The following MAMDC2 variants were observed in gnomAD, a reference collection of about 807,000 sequenced individuals.
MAMDC2 encodes MAM domain containing 2.
MAMDC2 carries 57 observed loss-of-function variants against 89.8 expected under a neutral mutation model. That is an observed-to-expected ratio of 0.63 (90% confidence interval 0.51 to 0.79). MAMDC2 has a LOEUF of 0.79. MAMDC2 is among the 30% of genes least tolerant of loss of function. The probability of loss-of-function intolerance (pLI) is 0.00; values close to 1 mark genes in which losing one functional copy is unlikely to be tolerated. For synonymous variants in MAMDC2, 313 were observed against 293.4 expected (o/e 1.07, Z -0.68); for missense variants, 800 against 820.6 (o/e 0.97, Z 0.31).
chr9:70,191,649 C>G (rs529400213), intron 11 of MAMDC2, among the ~76,000 whole-genome samples: 29 of 152,154 alleles, frequency 1.9e-4, no homozygotes, highest in Admixed American at 1.1e-3. Context: ...CACCTCAGTC[C>G]AATCAGAACT....
intron 11 of MAMDC2, chr9:70,194,436 T>C (rs2032939915): frequency 6.6e-6 from 1 of 152,124 alleles, no homozygotes; most frequent in Admixed American, 6.6e-5. Context: ...CATTCGACTC[T>C]CTTGCCTTTA....
chr9:70,212,976 A>T (rs2033385509), intron 11 of MAMDC2, among the ~76,000 whole-genome samples: 1 of 152,166 alleles, frequency 6.6e-6, no homozygotes, highest in African/African-American at 2.4e-5. Context: ...TGTTGGGAAG[A>T]ACTGGTCAAC....
At chr9:70,217,295 C>T (rs1375240926) in intron 11 of MAMDC2, 41 of 1,334,372 alleles carry the variant, frequency 3.1e-5, no homozygotes, top group Admixed American at 1.2e-4. Context: ...TTTCTTAATG[C>T]GAAATGCGAG....
intron 2 of MAMDC2, among the ~76,000 whole-genome samples, chr9:70,094,770 A>C (rs1156234217): frequency 6.6e-6 from 1 of 152,210 alleles, no homozygotes; most frequent in Middle Eastern, 3.2e-3. Flanking sequence ...TTAAAATCCT[A>C]ATGAGGAATG....
intron 11 of MAMDC2, among the ~76,000 whole-genome samples, chr9:70,197,057 G>A (rs2032986469): frequency 1.8e-5 from 1 of 55,276 alleles, no homozygotes; most frequent in South Asian, 1.1e-3. Context: ...AAAATGAAAT[G>A]AAAATGTTCA....
chr9:70,060,965 C>T (rs1039833441), intron 2 of MAMDC2, among the ~76,000 whole-genome samples: 1 of 152,180 alleles, frequency 6.6e-6, no homozygotes, highest in African/African-American at 2.4e-5. Flanking sequence ...ACACAGAACT[C>T]AGTGTGGAGC....
intron 12 of MAMDC2, among the ~76,000 whole-genome samples, chr9:70,223,560 C>T (rs1466231889): frequency 3.9e-5 from 6 of 152,142 alleles, no homozygotes; most frequent in African/African-American, 1.4e-4. Flanking sequence ...CATGTTAAAA[C>T]TTTGAATGAC....
chr9:70,151,175 T>A (rs187697577), intron 9 of MAMDC2, among the ~76,000 whole-genome samples: 1 of 152,218 alleles, frequency 6.6e-6, no homozygotes, highest in African/African-American at 2.4e-5. Context: ...CTGGCTCCCA[T>A]GCTTTTGTCC....
intron 11 of MAMDC2, among the ~76,000 whole-genome samples, chr9:70,197,280 C>A (rs2032990401): frequency 6.6e-6 from 1 of 152,084 alleles, no homozygotes; most frequent in Non-Finnish European, 1.5e-5. Context: ...CAAATGTCTG[C>A]TGGAAGAACT....
chr9:70,091,289 C>A (rs937161096), intron 2 of MAMDC2, among the ~76,000 whole-genome samples: 1 of 152,172 alleles, frequency 6.6e-6, no homozygotes, highest in Non-Finnish European at 1.5e-5. Context: ...TTGCTCGGCT[C>A]AGCCCACTGC....
Position 70,043,916 on chromosome 9 carries a change from C to G in MAMDC2, c.-282C>G, listed in dbSNP as rs1826665981. 3.5e-6 allele frequency: 2 copies of G among 570,896 alleles called. No individual in the cohort carries two copies. The highest frequency in any genetic ancestry group is 5.9e-5 in the East Asian group (2 of 34,098). 35.4% of individuals were successfully genotyped at this position (570,896 alleles called of 1,614,324 possible). A position where few individuals can be genotyped will look rare whatever the true frequency, so the allele number is the denominator to read the frequency against. On this transcript the variant is annotated 5_prime_UTR_variant, in exon 1 of 14. Transcript: ENST00000377182. ...TGCAGTTGTCTCCTCCCTGTCCAGC[C>G]CCATCGTCGCCCAGGACCAGCTGGG...
At chr9:70,076,272 T>G (rs1054427533) in intron 2 of MAMDC2, among the ~76,000 whole-genome samples, 4 of 151,956 alleles carry the variant, frequency 2.6e-5, no homozygotes, top group Non-Finnish European at 4.4e-5. Context: ...AATACAAAAT[T>G]TAGCCGAGTG....
intron 2 of MAMDC2, among the ~76,000 whole-genome samples, chr9:70,051,330 G>C (rs1826888644): frequency 6.6e-6 from 1 of 152,098 alleles, no homozygotes; most frequent in Non-Finnish European, 1.5e-5. Context: ...CCCAAATCCT[G>C]GCCTGATCCC....
At chr9:70,170,381 T>C (rs1051891197) in intron 10 of MAMDC2, 98 bp from the exon 11 acceptor site, 6 of 1,379,250 alleles carry the variant, frequency 4.4e-6, no homozygotes, top group Non-Finnish European at 5.9e-6. Context: ...TCGCATGGCA[T>C]ATGGCCAGAC....
chr9:70,164,327 G>C (rs1249325980), intron 9 of MAMDC2, among the ~76,000 whole-genome samples: 2 of 152,188 alleles, frequency 1.3e-5, no homozygotes, highest in African/African-American at 4.8e-5. Flanking sequence ...GTATAGTAGA[G>C]AGTAAGTTAA....
chr9:70,043,896 T>G lies in MAMDC2; in HGVS notation c.-302T>G. 1.9e-6 allele frequency: 1 copy of G among 523,504 alleles called. No individual in the cohort carries two copies. The highest frequency in any genetic ancestry group is 3.4e-6 in the Non-Finnish European group (1 of 292,356). 32.4% of individuals were successfully genotyped at this position (523,504 alleles called of 1,614,324 possible). A position where few individuals can be genotyped will look rare whatever the true frequency, so the allele number is the denominator to read the frequency against. On this transcript the variant is annotated 5_prime_UTR_variant, in exon 1 of 14. Coordinates refer to ENST00000377182, the MANE Select transcript of MAMDC2 (RefSeq NM_153267.5). Reference sequence around the variant, plus strand: ...GTGGCTGGCCTTTCAAAGTGTGCAGTTGTCTCCTCCCTGTCCAGCCCCATC... The same window carrying G: ...GTGGCTGGCCTTTCAAAGTGTGCAGGTGTCTCCTCCCTGTCCAGCCCCATC...
At chr9:70,206,295 G>T (rs1038662101) in intron 11 of MAMDC2, among the ~76,000 whole-genome samples, 1 of 152,130 alleles carries the variant, frequency 6.6e-6, no homozygotes, top group Non-Finnish European at 1.5e-5. Context: ...ATTTTATTGT[G>T]AGTTATTGTT....
chr9:70,093,331 C>G (rs1827949892), intron 2 of MAMDC2, among the ~76,000 whole-genome samples: 1 of 151,994 alleles, frequency 6.6e-6, no homozygotes. Context: ...TTTTTCATAC[C>G]AGGTACACCT....
chr9:70,178,200 C>A (rs903301067), intron 11 of MAMDC2, among the ~76,000 whole-genome samples: 1 of 152,110 alleles, frequency 6.6e-6, no homozygotes, highest in Non-Finnish European at 1.5e-5. Flanking sequence ...CTGAACTGAG[C>A]AATTTATATA....
Sources: allele counts gnomAD v4.1 joint callset (sites outside exome capture counted in the v4.1 genomes callset), GRCh38; gene constraint gnomAD v4.1.1; transcripts MANE v1.5; gene names NCBI Gene and HGNC (gene_info 2026-07-23, HGNC 2026-07-21).